The following LCMT1 variants were observed in gnomAD, a reference collection of about 807,000 sequenced individuals.
The protein encoded by LCMT1 is [Phosphatase 2A protein]-leucine-carboxy methyltransferase 1.
In LCMT1, 32 loss-of-function variants were observed where a neutral mutation model predicts 47.7. The observed-to-expected ratio is 0.67, with a 90% CI of 0.51 to 0.90. The LOEUF (loss-of-function observed/expected upper bound fraction) is 0.90, where lower values mean the gene tolerates loss of function less well. Among genes scored for constraint, LCMT1 ranks in the 40% least tolerant of loss-of-function variants. LCMT1 has a pLI of 0.00. For synonymous variants in LCMT1, 152 were observed against 149.7 expected, an observed-to-expected ratio of 1.02 and a Z score of -0.11; for missense variants, 375 against 415.2, an observed-to-expected ratio of 0.90 and a Z score of 0.84.
At chr16:25,158,277 A>G (rs1961320599) in intron 5 of LCMT1, among the ~76,000 whole-genome samples, 1 of 152,126 alleles carries the variant, frequency 6.6e-6, no homozygotes, top group African/African-American at 2.4e-5. Flanking sequence ...TCAGCCTCTC[A>G]AGTAGCTGGC....
At chr16:25,128,320 T>G (rs4787304) in intron 1 of LCMT1, among the ~76,000 whole-genome samples, 155 bp from the exon 2 acceptor site, 7 of 152,370 alleles carry the variant, frequency 4.6e-5, no homozygotes, top group Admixed American at 1.3e-4. Flanking sequence ...GCGTCTTCGC[T>G]TGTGTAACAG....
At chr16:25,169,257 A>C (rs780045148) in intron 8 of LCMT1, 44 bp downstream of exon 8, 28 of 1,251,834 alleles carry the variant, frequency 2.2e-5, no homozygotes, top group Non-Finnish European at 3.2e-5. Context: ...CCCTTAGTCA[A>C]CCAAGATATA....
At chr16:25,170,850 C>T (rs1187047241) in intron 9 of LCMT1, 45 bp downstream of exon 9, 2 of 1,248,390 alleles carry the variant, frequency 1.6e-6, no homozygotes, top group Admixed American at 3.7e-5. Flanking sequence ...TCATTGTGAA[C>T]TCAAGGCATG....
intron 6 of LCMT1, among the ~76,000 whole-genome samples, chr16:25,163,254 G>GTCAAGAGATTGAGACCAGCCTGGCCA: frequency 1.3e-5 from 2 of 152,116 alleles, no homozygotes. Flanking sequence ...GGATCACGAG[G>GTCAAGAGATTGAGACCAGCCTGGCCA]TCAAGAGATT....
At chr16:25,120,094 A>C (rs957289947) in intron 1 of LCMT1, among the ~76,000 whole-genome samples, 1 of 150,896 alleles carries the variant, frequency 6.6e-6, no homozygotes. Flanking sequence ...CAGGAGGTGG[A>C]GGTTGCAGTG....
At position 25,126,742 on chromosome 16, in the gene LCMT1, C is replaced by G. The variant is rs1164635385; in HGVS notation, c.114-1733C>G. On this transcript the variant is annotated intron_variant, in intron 1 of 10. Coordinates refer to ENST00000399069, the MANE Select transcript of LCMT1 (RefSeq NM_016309.3). ...GGCTTCCAGAGGGAGGCAAATTGAT[C>G]AGGTTTTCAACAGAGCTGCTTAGCA... is the stretch of plus-strand genomic sequence containing the variant. Among the ~76,000 whole-genome samples the G allele has an allele frequency of 6.6e-5, 10 of 152,146 alleles. No individual in the cohort carries two copies. In the East Asian group the frequency reaches 1.9e-3, roughly 29 times the overall value.
At chr16:25,164,470 G>T (rs1961526716) in intron 6 of LCMT1, 128 bp from the exon 7 acceptor site, 2 of 1,021,892 alleles carry the variant, frequency 2.0e-6, no homozygotes, top group East Asian at 2.5e-5. Flanking sequence ...GACTGGGGCT[G>T]TGCTTGCTCA....
chr16:25,160,717 T>C, intron 5 of LCMT1: 1 of 516,532 alleles, frequency 1.9e-6, no homozygotes, highest in Non-Finnish European at 3.9e-6. Flanking sequence ...AATGGAATGC[T>C]ATGAAATCAT....
At chr16:25,141,231 C>T (rs144636470) in intron 4 of LCMT1, 27 of 152,272 alleles carry the variant, frequency 1.8e-4, no homozygotes, top group African/African-American at 5.3e-4. Flanking sequence ...ACTTAGGGTC[C>T]GAAGAAAGGT....
chr16:25,140,139 A>G, intron 3 of LCMT1, 32 bp from the exon 4 acceptor site: 1 of 1,508,774 alleles, frequency 6.6e-7, no homozygotes, highest in South Asian at 1.2e-5. Flanking sequence ...GTAAGAGTAA[A>G]GAAATAAAAA....
intron 2 of LCMT1, among the ~76,000 whole-genome samples, chr16:25,129,506 A>C (rs1179508826): frequency 2.0e-5 from 3 of 152,214 alleles, no homozygotes; most frequent in Admixed American, 2.0e-4. Flanking sequence ...GCCCATTTAA[A>C]TATCTTTCAC....
Position 25,111,824 on chromosome 16 carries a change from C to A in LCMT1, c.-60C>A. ...CCCTGTGGCTCGCGCCGTCCCCCGC[C>A]GCCCGTCGACCCCGCTTCCATGTCC... On this transcript the variant is annotated 5_prime_UTR_variant, in exon 1 of 11. Coordinates refer to ENST00000399069, the MANE Select transcript of LCMT1 (RefSeq NM_016309.3). The A allele has an allele frequency of 8.5e-7, 1 of 1,174,030 alleles. No homozygotes were observed. The highest frequency in any genetic ancestry group is 1.2e-6 in the Non-Finnish European group (1 of 801,548). The allele number at this position is 1,174,030 out of a possible 1,614,324, so 72.7% of individuals were successfully genotyped here.
chr16:25,169,201 A>G lies in LCMT1; in HGVS notation c.780A>G (p.Ser260=). Residue 260 remains serine (S), a synonymous_variant, in exon 8 of 11, where the codon TCA becomes TCG. Coordinates refer to ENST00000399069, the MANE Select transcript of LCMT1 (RefSeq NM_016309.3). ...CDLAGVETCK[S]LESQKERLLS... ...TGGCGGGAGTGGAGACCTGCAAGTC[A>G]TTAGAGTCACAGGTCAGAGAGCAGG... is the stretch of plus-strand genomic sequence containing the variant. 1.2e-6 allele frequency: 2 copies of G among 1,608,874 alleles called. No homozygotes were observed. Among genetic ancestry groups the G allele is most frequent in the Non-Finnish European group, 1.7e-6 (2 of 1,175,462 alleles).
chr16:25,143,972 T>C (rs975852453), intron 4 of LCMT1: 3 of 152,198 alleles, frequency 2.0e-5, no homozygotes, highest in African/African-American at 4.8e-5. Flanking sequence ...TTGTAGGTGA[T>C]TAGGAAGGTT....
At chr16:25,131,821 T>C (rs1194591508) in intron 2 of LCMT1, among the ~76,000 whole-genome samples, 1 of 152,204 alleles carries the variant, frequency 6.6e-6, no homozygotes, top group Non-Finnish European at 1.5e-5. Flanking sequence ...ATTACAGTTG[T>C]GCACCACCAT....
At chr16:25,160,760 C>G (rs546976048) in intron 5 of LCMT1, 1 of 532,094 alleles carries the variant, frequency 1.9e-6, no homozygotes, top group Non-Finnish European at 3.7e-6. Flanking sequence ...GCTGTTGTTA[C>G]GTAGGAAAAG....
chr16:25,135,276 T>A (rs939156282), intron 3 of LCMT1, among the ~76,000 whole-genome samples: 1 of 140,272 alleles, frequency 7.1e-6, no homozygotes, highest in African/African-American at 2.6e-5. Context: ...GTCTGAAGTT[T>A]CTTTTAAAAT....
chr16:25,169,293 T>A, intron 8 of LCMT1, 80 bp downstream of exon 8: 1 of 921,078 alleles, frequency 1.1e-6, no homozygotes. Context: ...GCAGATGTGA[T>A]CATGGAGAAG....
chr16:25,154,715 C>G (rs1961199160), intron 5 of LCMT1, among the ~76,000 whole-genome samples: 1 of 151,502 alleles, frequency 6.6e-6, no homozygotes, highest in African/African-American at 2.4e-5. Flanking sequence ...GTCTCGATCT[C>G]CTGACCTCGT....
Sources: gnomAD v4.1 joint callset for allele counts (sites outside exome capture counted in the v4.1 genomes callset) on GRCh38, gnomAD v4.1.1 for gene constraint, MANE v1.5 for transcripts, NCBI Gene and HGNC (gene_info 2026-07-23, HGNC 2026-07-21) for gene names.